SPATA25: variants seen among roughly 807,000 people sequenced by gnomAD.
The protein encoded by SPATA25 is spermatogenesis-associated protein 25.
In SPATA25, 16 loss-of-function variants were observed where a neutral mutation model predicts 16.0. The ratio of observed to expected loss-of-function variants is 1.00; its 90% CI spans 0.68 to 1.52. SPATA25 has a LOEUF of 1.52. SPATA25 is among the 40% of genes most tolerant of loss of function. The pLI is 0.00. For missense variants in SPATA25, 285 were observed against 289.2 expected (o/e 0.99, Z 0.11); for synonymous variants, 115 against 118.5 (o/e 0.97, Z 0.19).
At position 45,886,608 on chromosome 20, in the gene SPATA25, GCCC is replaced by G; in HGVS notation, c.590_592del (p.Gly197del). ...GTGGGCATGTGCCTGCTCCCACCGC[GCCC>G]CCTCCACAGCACCCTCTGGCTCCGG... is the stretch of plus-strand genomic sequence containing the variant. On this transcript the variant is annotated inframe_deletion, in exon 2 of 2. Coordinates refer to ENST00000372519, the MANE Select transcript of SPATA25 (RefSeq NM_080608.4). The G allele has an allele frequency of 6.2e-7, 1 of 1,613,796 alleles. No individual in the cohort carries two copies. Among genetic ancestry groups the G allele is most frequent in the Non-Finnish European group, 8.5e-7 (1 of 1,179,968 alleles).
chr20:45,890,246 C>G (rs777858308), upstream of SPATA25: 6 of 1,613,736 alleles, frequency 3.7e-6, no homozygotes, highest in South Asian at 3.3e-5. Flanking sequence ...CCAGGGATAC[C>G]TACAGCCATA....
Position 45,886,859 on chromosome 20 carries a change from A to G in SPATA25, c.342T>C (p.Pro114=). The G allele has an allele frequency of 6.2e-7, 1 of 1,613,986 alleles. No individual in the cohort carries two copies. The highest frequency in any genetic ancestry group is 1.1e-5 in the South Asian group (1 of 91,092). The change falls in exon 2 of 2, where the codon CCT becomes CCC. Residue 114 remains proline, a synonymous_variant. Coordinates refer to ENST00000372519, the MANE Select transcript of SPATA25 (RefSeq NM_080608.4). ...WDNGYSRSRA[P]DLGGPSRPRP... is the part of the protein sequence containing the mutation. ...TAGGCCTGCTGGGGCCACCCAGGTC[A>G]GGGGCTCTGCTTCTGGAGTAGCCAT...
chr20:45,890,936 G>A, upstream of SPATA25: 3 of 1,522,962 alleles, frequency 2.0e-6, no homozygotes, highest in East Asian at 2.4e-5. Context: ...AGGGGGCTCC[G>A]GGCGCTCGAG....
In SPATA25 at chr20:45,886,659, G is replaced by C; in HGVS notation, c.542C>G (p.Ala181Gly). ...CGGATGGGCCATCATGAAAGCTTGA[G>C]CGGCCCAGATCAGGTCCTCTTCCCG... ...GVREEDLIWA[A>G]QAFMMAHPEP... The change falls in exon 2 of 2, where the codon GCT becomes GGT. Residue 181 changes from alanine to glycine, a missense_variant. Transcript: ENST00000372519. 6.2e-7 allele frequency: 1 copy of C among 1,614,150 alleles called. No homozygotes were observed. The highest frequency in any genetic ancestry group is 8.5e-7 in the Non-Finnish European group (1 of 1,180,040).
upstream of SPATA25, among the ~76,000 whole-genome samples, chr20:45,889,622 T>TC (rs1986650077): frequency 6.6e-6 from 1 of 151,638 alleles, no homozygotes; most frequent in Admixed American, 6.6e-5. Context: ...TCTCTCTCTC[T>TC]TTCTTTTTTT....
At chr20:45,889,636 CAG>C (rs1445295763), upstream of SPATA25, among the ~76,000 whole-genome samples, 22 of 132,230 alleles carry the variant, frequency 1.7e-4, no homozygotes, top group South Asian at 5.2e-3. Context: ...TTTTTTTTTT[CAG>C]AGTCTTGCTC....
upstream of SPATA25, chr20:45,890,177 A>G (rs977210117): frequency 3.2e-6 from 5 of 1,552,084 alleles, no homozygotes; most frequent in Admixed American, 5.0e-5. Flanking sequence ...GGCCTAGCAC[A>G]TGGGCTACGG....
chr20:45,890,123 G>T, upstream of SPATA25: 1 of 1,020,418 alleles, frequency 9.8e-7, no homozygotes, highest in East Asian at 2.5e-5. Flanking sequence ...GGTGCAATTT[G>T]AAGCTAGATT....
At chr20:45,888,584 T>G (rs1395507032), upstream of SPATA25, 26 of 629,084 alleles carry the variant, frequency 4.1e-5, no homozygotes, top group Non-Finnish European at 5.5e-6. Flanking sequence ...GCAGTGATTC[T>G]AAACGAAGTG....
chr20:45,886,854 A>G lies in SPATA25; in HGVS notation c.347T>C (p.Leu116Pro). Residue 116 changes from leucine to proline, a missense_variant, in exon 2 of 2, where the codon CTG (leucine) becomes CCG (proline). By Grantham distance (98) the Leu-to-Pro change is moderately conservative. Coordinates refer to ENST00000372519, the MANE Select transcript of SPATA25 (RefSeq NM_080608.4). ...NGYSRSRAPD[L>P]GGPSRPRPLM... ...GGGCCTAGGCCTGCTGGGGCCACCC[A>G]GGTCAGGGGCTCTGCTTCTGGAGTA... The G allele has an allele frequency of 6.2e-7, 1 of 1,613,994 alleles. No homozygotes were observed. Among genetic ancestry groups the G allele is most frequent in the Non-Finnish European group, 8.5e-7 (1 of 1,180,032 alleles).
chr20:45,890,549 C>A, upstream of SPATA25: 3 of 1,610,800 alleles, frequency 1.9e-6, no homozygotes, highest in Non-Finnish European at 2.5e-6. Context: ...CTGCTCAATG[C>A]GCAGATATGG....
chr20:45,887,254 A>G, intron 1 of SPATA25, 109 bp from the exon 2 acceptor site: 3 of 1,348,972 alleles, frequency 2.2e-6, no homozygotes, highest in Non-Finnish European at 3.0e-6. Flanking sequence ...GACCAGCCCC[A>G]GCGGACTGTC....
In SPATA25 at chr20:45,886,496, A is replaced by G. The variant is rs1176454066; in HGVS notation, c.*21T>C. 7 of 1,544,472 alleles carry G rather than the reference A, an allele frequency of 4.5e-6. No homozygotes were observed. The highest frequency in any genetic ancestry group is 5.3e-6 in the Non-Finnish European group (6 of 1,142,662). On this transcript the variant is annotated 3_prime_UTR_variant, in exon 2 of 2. Transcript: ENST00000372519. ...ACCATACGGAGAAACCACCCTACAT[A>G]TCTGGTGCTATTTCATCCATCTACA...
chr20:45,889,990 C>G (rs1037321608), upstream of SPATA25, among the ~76,000 whole-genome samples: 1 of 152,162 alleles, frequency 6.6e-6, no homozygotes, highest in African/African-American at 2.4e-5. Flanking sequence ...AATCCCTGCC[C>G]TAGGTGAATA....
upstream of SPATA25, chr20:45,887,718 C>CAATA: frequency 2.1e-5 from 16 of 749,252 alleles, 1 homozygote; most frequent in South Asian, 3.7e-4. Flanking sequence ...CAGCGTTGAC[C>CAATA]TATTCATTCT....
At chr20:45,887,962 C>T (rs765164382), upstream of SPATA25, among the ~76,000 whole-genome samples, 146 of 152,190 alleles carry the variant, frequency 9.6e-4, 1 homozygote, top group Non-Finnish European at 2.6e-4. Flanking sequence ...GAGCCAAGTG[C>T]TTCGTGCCTT....
rs771394352 is a variant in SPATA25, at chr20:45,886,695, A to C, written c.506T>G (p.Val169Gly). 4 of 1,613,972 alleles carry C rather than the reference A, an allele frequency of 2.5e-6. No individual in the cohort carries two copies. The African/African-American group carries it at 4.0e-5, about 16-fold the overall frequency. The change falls in exon 2 of 2, where the codon GTC becomes GGC. Residue 169 changes from valine to glycine, a missense_variant. Val to Gly is a moderately radical substitution (Grantham distance 109). Coordinates refer to ENST00000372519, the MANE Select transcript of SPATA25 (RefSeq NM_080608.4). ...MMIAGIPTVP[V>G]PGVREEDLIW... Reference sequence around the variant, plus strand: ...CAGGTCCTCTTCCCGAACTCCTGGGACGGGCACGGTGGGGATGCCAGCGAT... The same window carrying C: ...CAGGTCCTCTTCCCGAACTCCTGGGCCGGGCACGGTGGGGATGCCAGCGAT...
upstream of SPATA25, chr20:45,890,644 C>T (rs1231246277): frequency 6.2e-7 from 1 of 1,613,288 alleles, no homozygotes; most frequent in Admixed American, 1.7e-5. Flanking sequence ...TGTGGTGGCG[C>T]GTGATGGCGA....
At position 45,886,862 on chromosome 20, in the gene SPATA25, G is replaced by A. The variant is rs1159713721; in HGVS notation, c.339C>T (p.Ala113=). 8.1e-6 allele frequency: 13 copies of A among 1,614,022 alleles called. No homozygotes were observed. Among genetic ancestry groups the A allele is most frequent in the Non-Finnish European group, 1.0e-5 (12 of 1,180,046 alleles). The change falls in exon 2 of 2, where the codon GCC becomes GCT. Residue 113 remains alanine, a synonymous_variant. Transcript: ENST00000372519. ...GWDNGYSRSR[A]PDLGGPSRPR... ...GCCTGCTGGGGCCACCCAGGTCAGG[G>A]GCTCTGCTTCTGGAGTAGCCATTGT...
Sources: allele counts gnomAD v4.1 joint callset (sites outside exome capture counted in the v4.1 genomes callset), GRCh38; gene constraint gnomAD v4.1.1; transcripts MANE v1.5; gene names NCBI Gene and HGNC (gene_info 2026-07-23, HGNC 2026-07-21).